The following MED26 variants were observed in gnomAD, a reference collection of about 807,000 sequenced individuals.
The protein encoded by MED26 is mediator complex subunit 26.
Under a neutral mutation model 43.7 loss-of-function variants are expected in MED26, and 7 were observed. That is an observed-to-expected ratio of 0.16 (90% CI 0.09 to 0.30). The LOEUF (loss-of-function observed/expected upper bound fraction) is 0.30, where lower values mean the gene tolerates loss of function less well. Among genes scored for constraint, MED26 ranks in the 10% least tolerant of loss-of-function variants. The pLI, the probability that MED26 is intolerant of heterozygous loss-of-function variation, is 1.00. For synonymous variants in MED26, 375 were observed against 371.1 expected (o/e 1.01, Z -0.12); for missense variants, 784 against 840.6 (o/e 0.93, Z 0.83).
At chr19:16,598,683 T>C (rs2086134106) in intron 1 of MED26, among the ~76,000 whole-genome samples, 1 of 152,118 alleles carries the variant, frequency 6.6e-6, no homozygotes, top group African/African-American at 2.4e-5. Context: ...GCACTGACAG[T>C]TCCAGTCCTG....
At position 16,576,650 on chromosome 19, in the gene MED26, T is replaced by C; in HGVS notation, c.1180A>G (p.Lys394Glu). 1 of 1,614,198 alleles carries C rather than the reference T, an allele frequency of 6.2e-7. No individual in the cohort carries two copies. Among genetic ancestry groups the C allele is most frequent in the Non-Finnish European group, 8.5e-7 (1 of 1,180,040 alleles). Residue 394 changes from lysine (K) to glutamate (E), a missense_variant, in exon 3 of 3, where the codon AAG becomes GAG. By Grantham distance (56) the Lys-to-Glu change is moderately conservative (BLOSUM62 1). Coordinates refer to ENST00000263390, the MANE Select transcript of MED26 (RefSeq NM_004831.5). The surrounding 1 kb of genome is among the most constrained non-coding windows in gnomAD (Gnocchi z 6.8). ...TAGTCTCGAGGTCGGTACCTCTTCT[T>C]CTTTTTACTGTCCGAGCCCCCTGAG... ...ASSGGSDSKK[K>E]KRYRPRDYTV...
In MED26 at chr19:16,576,366, G is replaced by A. The variant is rs779188888; in HGVS notation, c.1464C>T (p.Ser488=). ...KELSRNEIIQ[S]YLSRQSSLLS... is the part of the protein sequence containing the mutation. Reference sequence around the variant, plus strand: ...GCAGGCTGCTCTGCCGGCTCAGGTAGGACTGGATGATCTCGTTGCGTGACA... The same window carrying A: ...GCAGGCTGCTCTGCCGGCTCAGGTAAGACTGGATGATCTCGTTGCGTGACA... The change falls in exon 3 of 3, where the codon TCC becomes TCT. Residue 488 remains serine, a synonymous_variant. Transcript: ENST00000263390. This position sits in a 1 kb window ranked among gnomAD's most constrained non-coding sequence, Gnocchi z 6.8. The A allele has an allele frequency of 6.2e-7, 1 of 1,614,154 alleles. No individual in the cohort carries two copies.
intron 1 of MED26, among the ~76,000 whole-genome samples, chr19:16,623,984 A>T (rs1028834836): frequency 6.6e-6 from 1 of 152,026 alleles, no homozygotes. Context: ...TGGCTCCCCC[A>T]CTCACAAGGC....
chr19:16,587,591 G>A lies in MED26; in HGVS notation c.73-9182C>T, dbSNP rs1245051101. The A allele has an allele frequency of 6.6e-6, 1 of 152,286 alleles. No individual in the cohort carries two copies. Among genetic ancestry groups the A allele is most frequent in the Non-Finnish European group, 1.5e-5 (1 of 68,076 alleles). The allele number at this position is 152,286 out of a possible 1,614,324, so 9.4% of individuals were successfully genotyped here. Reference sequence around the variant, plus strand: ...ACACTGGGAGGAACAATGACGGGAAGGTGCATGTCTCGGCCACAGCCACCA... The same window carrying A: ...ACACTGGGAGGAACAATGACGGGAAAGTGCATGTCTCGGCCACAGCCACCA... On this transcript the variant is annotated intron_variant, in intron 1 of 2. Coordinates refer to ENST00000263390, the MANE Select transcript of MED26 (RefSeq NM_004831.5). The surrounding 1 kb of genome is among the most constrained non-coding windows in gnomAD (Gnocchi z 4.9).
chr19:16,613,479 G>A (rs557177103), intron 1 of MED26, among the ~76,000 whole-genome samples: 2 of 152,222 alleles, frequency 1.3e-5, no homozygotes, highest in Admixed American at 6.5e-5. Context: ...CCCCACTTCC[G>A]AGGTGGAAAA....
intron 1 of MED26, chr19:16,578,842 C>G (rs973230047): frequency 6.1e-6 from 1 of 164,226 alleles, no homozygotes; most frequent in African/African-American, 2.4e-5. Flanking sequence ...GTGGCTGACA[C>G]CTGTAATCCC....
intron 1 of MED26, chr19:16,611,831 A>G (rs1568288586): frequency 6.6e-6 from 1 of 152,208 alleles, no homozygotes. Context: ...ATTAAAAAAA[A>G]AAGAAGTAAA....
rs1053270353 is a variant in MED26, at chr19:16,575,829, G to C, written c.*198C>G. On this transcript the variant is annotated 3_prime_UTR_variant, in exon 3 of 3. Coordinates refer to ENST00000263390, the MANE Select transcript of MED26 (RefSeq NM_004831.5). ...TCTTCGCAATTTTGTTAGTAAACTG[G>C]TAGCAGCATTTCACAAAAAGAGTTT... 1 of 589,060 alleles carries C rather than the reference G, an allele frequency of 1.7e-6. No individual in the cohort carries two copies. Among genetic ancestry groups the C allele is most frequent in the Non-Finnish European group, 3.0e-6 (1 of 332,316 alleles). The allele number at this position is 589,060 out of a possible 1,614,324, so 36.5% of individuals were successfully genotyped here.
At chr19:16,627,558 A>G (rs5002162) in intron 1 of MED26, among the ~76,000 whole-genome samples, 49,476 of 152,140 alleles carry the variant, frequency 0.33, 9,767 homozygotes, top group African/African-American at 0.56. Context: ...GGCGAGGCAG[A>G]GAAGCTTCGT....
chr19:16,614,698 C>A (rs2086215191), intron 1 of MED26, among the ~76,000 whole-genome samples: 1 of 152,140 alleles, frequency 6.6e-6, no homozygotes, highest in African/African-American at 2.4e-5. Flanking sequence ...GCGATACACA[C>A]AGGACAGGCT....
rs753268204 is a variant in MED26, at chr19:16,577,362, G to A, written c.468C>T (p.Leu156=). Residue 156 remains leucine, a synonymous_variant, in exon 3 of 3, where the codon CTC becomes CTT. Coordinates refer to ENST00000263390, the MANE Select transcript of MED26 (RefSeq NM_004831.5). This position sits in a 1 kb window ranked among gnomAD's most constrained non-coding sequence, Gnocchi z 8.1. ...CCTTGGGTGGCGGCCCTGGGTGGCC[G>A]AGGTCACGCTGGTCACCCCGGCGCT... ...SRKRRGDQRD[L]GHPGPPPKVS... is the part of the protein sequence containing the mutation. The A allele has an allele frequency of 2.7e-5, 43 of 1,611,452 alleles. 1 individual carries two copies. Among genetic ancestry groups the A allele is most frequent in the South Asian group, 1.2e-4 (11 of 91,048 alleles).
At chr19:16,599,018 G>A (rs1401656580) in intron 1 of MED26, among the ~76,000 whole-genome samples, 1 of 152,216 alleles carries the variant, frequency 6.6e-6, no homozygotes, top group East Asian at 1.9e-4. Flanking sequence ...CCCGCTTGGG[G>A]ACACATGTCC....
At chr19:16,597,110 A>G (rs1348717914) in intron 1 of MED26, among the ~76,000 whole-genome samples, 2 of 152,200 alleles carry the variant, frequency 1.3e-5, no homozygotes, top group African/African-American at 4.8e-5. Context: ...CAGGGCCAAG[A>G]TGGTGGCAGA....
chr19:16,599,690 C>T (rs2086139444), intron 1 of MED26, among the ~76,000 whole-genome samples: 3 of 152,054 alleles, frequency 2.0e-5, no homozygotes, highest in Non-Finnish European at 4.4e-5. Flanking sequence ...TAACGGATTC[C>T]CTCAGGAACC....
At chr19:16,592,717 G>A (rs77223988) in intron 1 of MED26, among the ~76,000 whole-genome samples, 1 of 152,322 alleles carries the variant, frequency 6.6e-6, no homozygotes, top group African/African-American at 2.4e-5. Context: ...CAAAGCCGGT[G>A]TTTCTAAGAT....
At chr19:16,625,570 A>G (rs1244676713) in intron 1 of MED26, among the ~76,000 whole-genome samples, 1 of 151,746 alleles carries the variant, frequency 6.6e-6, no homozygotes, top group East Asian at 1.9e-4. Flanking sequence ...AGCATCTTAA[A>G]TATGTGTCAA....
rs1204508934 is a variant in MED26 at position 16,577,464 on chromosome 19, C to T, written c.366G>A (p.Arg122=). 2 of 1,590,430 alleles carry T rather than the reference C, an allele frequency of 1.3e-6. No individual in the cohort carries two copies. The highest frequency in any genetic ancestry group is 1.7e-5 in the Admixed American group (1 of 58,818). ...RPEVGAAGPP[R]SIHDLKSRND... ...TGCGGCTCTTCAGGTCATGGATGCT[C>T]CTGGGTGGGCCAGCCGCCCCCACCT... Residue 122 remains arginine (R), a synonymous_variant, in exon 3 of 3, where the codon AGG becomes AGA. Coordinates refer to ENST00000263390, the MANE Select transcript of MED26 (RefSeq NM_004831.5). This position sits in a 1 kb window ranked among gnomAD's most constrained non-coding sequence, Gnocchi z 8.1.
chr19:16,575,310 G>C lies in MED26; in HGVS notation c.*717C>G, dbSNP rs1207278691. On this transcript the variant is annotated 3_prime_UTR_variant, in exon 3 of 3. Transcript: ENST00000263390. ...TTTTGTCTGGTGGTCTGATGGAAGAGGAATTGTTTAAAATAAACATGAGAA... is the reference window on the plus strand; with the variant it reads ...TTTTGTCTGGTGGTCTGATGGAAGACGAATTGTTTAAAATAAACATGAGAA... 1.3e-5 allele frequency: 2 copies of C among 152,654 alleles called. No individual in the cohort carries two copies. Among genetic ancestry groups the C allele is most frequent in the Non-Finnish European group, 2.9e-5 (2 of 68,046 alleles). The allele number at this position is 152,654 out of a possible 1,614,324, so 9.5% of individuals were successfully genotyped here.
At chr19:16,615,209 G>C (rs1373562781) in intron 1 of MED26, among the ~76,000 whole-genome samples, 2 of 152,142 alleles carry the variant, frequency 1.3e-5, no homozygotes, top group Non-Finnish European at 2.9e-5. Context: ...CCTGAGACCA[G>C]AGAGGCAAGG....
Sources: gnomAD v4.1 joint callset for allele counts (sites outside exome capture counted in the v4.1 genomes callset) on GRCh38, gnomAD v4.1.1 for gene constraint, Gnocchi (gnomAD v3.1) non-coding constraint, MANE v1.5 for transcripts, NCBI Gene and HGNC (gene_info 2026-07-23, HGNC 2026-07-21) for gene names.